Variants in PTPRC observed in about 807,000 individuals in gnomAD.
The protein encoded by PTPRC is protein tyrosine phosphatase receptor type C, also known as receptor-type tyrosine-protein phosphatase C.
Under a neutral mutation model 155.9 loss-of-function variants are expected in PTPRC, and 44 were observed. The observed-to-expected ratio is 0.28, with a 90% CI of 0.22 to 0.36. The LOEUF is 0.36. Among genes scored for constraint, PTPRC ranks in the 10% least tolerant of loss-of-function variants. The probability of loss-of-function intolerance (pLI) is 1.00; values close to 1 mark genes in which losing one functional copy is unlikely to be tolerated. For missense variants in PTPRC, 1,401 were observed against 1,564.6 expected (o/e 0.90, Z 1.76); for synonymous variants, 525 against 533.1 (o/e 0.98, Z 0.21).
At chr1:198,651,607 G>C (rs1269143646) in intron 2 of PTPRC, among the ~76,000 whole-genome samples, 1 of 151,708 alleles carries the variant, frequency 6.6e-6, no homozygotes, top group Non-Finnish European at 1.5e-5. Context: ...ATAAAAAATA[G>C]TGCTTACTCT....
chr1:198,688,844 T>A (rs12059088), intron 2 of PTPRC, among the ~76,000 whole-genome samples: 1 of 152,148 alleles, frequency 6.6e-6, no homozygotes. Flanking sequence ...GGACGCCTGA[T>A]GAATGAGAGC....
Position 198,695,510 on chromosome 1 carries a change from T to G in PTPRC, c.101-1202T>G, listed in dbSNP as rs1666160965. ...TTTTTTTTTTAACACATTTGGTATA[T>G]TTTTCTATTCTTTTATTAAGAAAAT... On this transcript the variant is annotated intron_variant, in intron 3 of 32. Coordinates refer to ENST00000442510, the MANE Select transcript of PTPRC (RefSeq NM_002838.5). 2.0e-5 allele frequency among the ~76,000 whole-genome samples: 3 copies of G among 151,362 alleles called. No homozygotes were observed. In the South Asian group the frequency reaches 6.2e-4, roughly 31 times the overall value.
At chr1:198,645,219 C>A (rs1286540529) in intron 2 of PTPRC, among the ~76,000 whole-genome samples, 1 of 151,732 alleles carries the variant, frequency 6.6e-6, no homozygotes, top group African/African-American at 2.4e-5. Flanking sequence ...AATTAAAGTA[C>A]AATTTGTCTG....
intron 2 of PTPRC, among the ~76,000 whole-genome samples, chr1:198,650,568 G>A (rs1367762876): frequency 6.6e-6 from 1 of 151,870 alleles, no homozygotes; most frequent in African/African-American, 2.4e-5. Context: ...GAAATCCAGA[G>A]TTATGTTTGG....
intron 20 of PTPRC, among the ~76,000 whole-genome samples, chr1:198,733,600 T>A (rs750218983): frequency 6.6e-6 from 1 of 151,796 alleles, no homozygotes; most frequent in African/African-American, 2.4e-5. Context: ...GAAGCCAGTA[T>A]AATATTTTAT....
Position 198,680,645 on chromosome 1 carries a change from A to C in PTPRC, c.74-11702A>C, listed in dbSNP as rs1179861277. ...ATCAATGTGGCGGTATCTAGCATGC[A>C]TGGGGAAGGGATGGAGGAAGTTGTC... On this transcript the variant is annotated intron_variant, in intron 2 of 32. Coordinates refer to ENST00000442510, the MANE Select transcript of PTPRC (RefSeq NM_002838.5). Among the ~76,000 whole-genome samples the C allele has an allele frequency of 5.3e-5, 8 of 152,004 alleles. No homozygotes were observed. In the East Asian group the frequency reaches 1.5e-3, roughly 29 times the overall value.
At chr1:198,701,755 A>G (rs1354750333) in intron 5 of PTPRC, among the ~76,000 whole-genome samples, 3 of 152,340 alleles carry the variant, frequency 2.0e-5, no homozygotes, top group East Asian at 3.9e-4. Context: ...TTTCAAGCCA[A>G]TTTGATTTTT....
intron 2 of PTPRC, among the ~76,000 whole-genome samples, chr1:198,647,372 G>A (rs150159731): frequency 3.3e-5 from 5 of 151,990 alleles, no homozygotes; most frequent in African/African-American, 1.2e-4. Context: ...CTGAACAAAC[G>A]AATGGTCTGT....
chr1:198,656,730 C>T (rs1256166252), intron 2 of PTPRC, among the ~76,000 whole-genome samples: 2 of 150,394 alleles, frequency 1.3e-5, no homozygotes, highest in Admixed American at 6.7e-5. Flanking sequence ...GAGAAATGCA[C>T]GTCATGGAGG....
intron 5 of PTPRC, 59 bp downstream of exon 5, chr1:198,699,763 T>C: frequency 6.2e-7 from 1 of 1,604,662 alleles, no homozygotes; most frequent in Non-Finnish European, 8.5e-7. Context: ...TACCTGTATT[T>C]AAGAATGGTG....
intron 2 of PTPRC, among the ~76,000 whole-genome samples, chr1:198,643,420 A>G (rs893080035): frequency 1.3e-5 from 2 of 151,962 alleles, no homozygotes; most frequent in Non-Finnish European, 1.5e-5. Flanking sequence ...GAGGGAGAAT[A>G]TGAGATAAAA....
At position 198,752,488 on chromosome 1, in the gene PTPRC, T is replaced by C. The variant is rs937001863; in HGVS notation, c.3331-106T>C. The C allele has an allele frequency of 5.3e-6, 8 of 1,512,690 alleles. No homozygotes were observed. The East Asian group carries it at 7.2e-5, about 14-fold the overall frequency. The allele number at this position is 1,512,690 out of a possible 1,614,324, so 93.7% of individuals were successfully genotyped here. On this transcript the variant is annotated intron_variant, in intron 30 of 32. Coordinates refer to ENST00000442510, the MANE Select transcript of PTPRC (RefSeq NM_002838.5). ...TATAAATAATGTTTCAGAATAACAT[T>C]TTAAAATTATTTAAATAGAAGTAAC...
At chr1:198,664,328 G>T (rs1296137325) in intron 2 of PTPRC, among the ~76,000 whole-genome samples, 1 of 152,046 alleles carries the variant, frequency 6.6e-6, no homozygotes, top group Non-Finnish European at 1.5e-5. Context: ...AACTGTTTTG[G>T]CAGCAAAACG....
At position 198,709,713 on chromosome 1, in the gene PTPRC, A is replaced by T. The variant is rs1653188181; in HGVS notation, c.1060A>T (p.Ile354Phe). Reference sequence around the variant, plus strand: ...TAATATGATATTTGATAATAAAGAAATTAAATTAGAAAACCTTGAACCCGA... The same window carrying T: ...TAATATGATATTTGATAATAAAGAATTTAAATTAGAAAACCTTGAACCCGA... Reference protein sequence around the residue: ...CGNMIFDNKEIKLENLEPEHE... With the variant: ...CGNMIFDNKEFKLENLEPEHE... Residue 354 changes from isoleucine (I) to phenylalanine (F), a missense_variant, in exon 11 of 33, where the codon ATT (isoleucine) becomes TTT (phenylalanine). Around this residue, in one of 3 missense-constraint regions of PTPRC, gnomAD observed 867 missense variants for 970.4 expected, o/e 0.89. Coordinates refer to ENST00000442510, the MANE Select transcript of PTPRC (RefSeq NM_002838.5). 1 of 1,594,014 alleles carries T rather than the reference A, an allele frequency of 6.3e-7. No homozygotes were observed. Among genetic ancestry groups the T allele is most frequent in the East Asian group, 2.2e-5 (1 of 44,518 alleles).
intron 2 of PTPRC, among the ~76,000 whole-genome samples, chr1:198,664,369 G>C (rs1445930458): frequency 6.6e-6 from 1 of 152,122 alleles, no homozygotes; most frequent in Non-Finnish European, 1.5e-5. Context: ...GAGACTTAAC[G>C]ATGCTATGTG....
At chr1:198,687,731 T>A (rs1311807120) in intron 2 of PTPRC, among the ~76,000 whole-genome samples, 3 of 152,148 alleles carry the variant, frequency 2.0e-5, no homozygotes, top group Admixed American at 2.0e-4. Context: ...TTAAAAAGAC[T>A]GAAAAATAGA....
chr1:198,756,398 A>ATTC lies in PTPRC; in HGVS notation c.*218_*220dup, dbSNP rs1655666310. 1 of 618,892 alleles carries ATTC rather than the reference A, an allele frequency of 1.6e-6. No homozygotes were observed. Among genetic ancestry groups the ATTC allele is most frequent in the South Asian group, 2.0e-5 (1 of 49,478 alleles). 38.3% of individuals were successfully genotyped at this position (618,892 alleles called of 1,614,324 possible). ...TGCTTATTTTAAAATTTTATCTCTTATTCAGTAAAAAACAACTTCTTTGTA... is the reference window on the plus strand; with the variant it reads ...TGCTTATTTTAAAATTTTATCTCTTATTCTTCAGTAAAAAACAACTTCTTTGTA... On this transcript the variant is annotated 3_prime_UTR_variant, in exon 33 of 33. Coordinates refer to ENST00000442510, the MANE Select transcript of PTPRC (RefSeq NM_002838.5).
chr1:198,692,548 T>A (rs1255023306), intron 3 of PTPRC, 175 bp downstream of exon 3: 1 of 1,078,708 alleles, frequency 9.3e-7, no homozygotes, highest in African/African-American at 1.7e-5. Context: ...CGTTATAGAG[T>A]TTAATAACTA....
chr1:198,745,031 T>C (rs1655076085), intron 26 of PTPRC, among the ~76,000 whole-genome samples: 1 of 151,868 alleles, frequency 6.6e-6, no homozygotes, highest in Non-Finnish European at 1.5e-5. Context: ...AGTAGTGTTT[T>C]ATTGTTGTTT....
Sources: allele counts gnomAD v4.1 joint callset (sites outside exome capture counted in the v4.1 genomes callset), GRCh38; gene constraint gnomAD v4.1.1; regional missense constraint gnomAD v4.1.1; transcripts MANE v1.5; gene names NCBI Gene and HGNC (gene_info 2026-07-23, HGNC 2026-07-21).